The following ASXL2 variants were observed in gnomAD, a reference collection of about 807,000 sequenced individuals.
ASXL2 encodes the protein putative Polycomb group protein ASXL2.
A neutral mutation model predicts 122.0 loss-of-function variants in ASXL2; 23 were observed. The ratio of observed to expected loss-of-function variants is 0.19; its 90% CI spans 0.14 to 0.27. The LOEUF is 0.27. Among genes scored for constraint, ASXL2 ranks in the 10% least tolerant of loss-of-function variants. The probability of loss-of-function intolerance (pLI) is 1.00; values close to 1 mark genes in which losing one functional copy is unlikely to be tolerated. For missense variants in ASXL2, 1,518 were observed against 1,713.8 expected, an observed-to-expected ratio of 0.89 and a Z score of 2.02; for synonymous variants, 650 against 637.0, an observed-to-expected ratio of 1.02 and a Z score of -0.31.
chr2:25,815,120 C>A (rs2089217908), intron 3 of ASXL2, among the ~76,000 whole-genome samples: 1 of 152,174 alleles, frequency 6.6e-6, no homozygotes, highest in Non-Finnish European at 1.5e-5. Flanking sequence ...CCCTCACATA[C>A]AACTATTCTC....
At chr2:25,754,863 C>A (rs1175094900) in intron 10 of ASXL2, among the ~76,000 whole-genome samples, 2 of 151,234 alleles carry the variant, frequency 1.3e-5, no homozygotes, top group African/African-American at 4.8e-5. Context: ...CCAAAAATAT[C>A]TGTAGGAAAG....
intron 5 of ASXL2, among the ~76,000 whole-genome samples, chr2:25,797,244 A>G (rs1306822728): frequency 1.3e-5 from 2 of 152,126 alleles, no homozygotes; most frequent in African/African-American, 4.8e-5. Flanking sequence ...CAGGAGTTCA[A>G]GACCAGCCTG....
chr2:25,873,003 T>A (rs1486288875), intron 1 of ASXL2, among the ~76,000 whole-genome samples: 1 of 152,096 alleles, frequency 6.6e-6, no homozygotes, highest in African/African-American at 2.4e-5. Context: ...ATAAGTTCTT[T>A]AGTGGTGATT....
chr2:25,855,344 G>A (rs113084653), intron 1 of ASXL2, among the ~76,000 whole-genome samples: 4,318 of 152,134 alleles, frequency 0.028, 184 homozygotes, highest in African/African-American at 0.091. Context: ...CCAGGAGTTA[G>A]AGACCAGCCT....
intron 3 of ASXL2, among the ~76,000 whole-genome samples, chr2:25,816,407 T>C (rs897007028): frequency 3.3e-5 from 5 of 152,190 alleles, no homozygotes; most frequent in African/African-American, 1.2e-4. Flanking sequence ...AAGTGAAATA[T>C]ATTTCCCTGC....
intron 5 of ASXL2, among the ~76,000 whole-genome samples, chr2:25,781,583 G>T (rs1317292523): frequency 1.4e-5 from 2 of 144,486 alleles, no homozygotes; most frequent in Admixed American, 6.9e-5. Context: ...AAGACACAGG[G>T]TCTCACTCTG....
At chr2:25,747,661 C>T (rs1400269534) in intron 12 of ASXL2, among the ~76,000 whole-genome samples, 1 of 152,158 alleles carries the variant, frequency 6.6e-6, no homozygotes, top group African/African-American at 2.4e-5. Flanking sequence ...GTCTTAGCAA[C>T]ATTTATAGCA....
At chr2:25,796,933 A>G (rs2088919466) in intron 5 of ASXL2, among the ~76,000 whole-genome samples, 1 of 152,218 alleles carries the variant, frequency 6.6e-6, no homozygotes, top group Non-Finnish European at 1.5e-5. Context: ...CGCTTCACAA[A>G]AAATTAACTC....
At chr2:25,856,916 C>T (rs1004871802) in intron 1 of ASXL2, 3 of 653,500 alleles carry the variant, frequency 4.6e-6, no homozygotes, top group African/African-American at 1.8e-5. Context: ...TAGGTGGCAG[C>T]TGGGACAGTG....
At chr2:25,826,868 G>T (rs1339851798) in intron 3 of ASXL2, among the ~76,000 whole-genome samples, 1 of 151,510 alleles carries the variant, frequency 6.6e-6, no homozygotes, top group Non-Finnish European at 1.5e-5. Flanking sequence ...TAGAGACAGG[G>T]TCTTGCTCTG....
chr2:25,813,769 G>A (rs944390399), intron 3 of ASXL2, among the ~76,000 whole-genome samples: 7 of 152,188 alleles, frequency 4.6e-5, no homozygotes, highest in African/African-American at 1.7e-4. Context: ...ACAAACTGTC[G>A]GCCGGGCGCA....
chr2:25,773,242 T>G (rs2088486503), intron 5 of ASXL2, among the ~76,000 whole-genome samples: 2 of 151,774 alleles, frequency 1.3e-5, no homozygotes, highest in South Asian at 4.2e-4. Context: ...ATCGTCATAC[T>G]TAGTTTAGTT....
intron 8 of ASXL2, among the ~76,000 whole-genome samples, chr2:25,765,964 C>T (rs1308261291): frequency 6.6e-6 from 1 of 152,038 alleles, no homozygotes; most frequent in Non-Finnish European, 1.5e-5. Flanking sequence ...TGTACAATCC[C>T]CTCTAGAATC....
chr2:25,787,389 C>T (rs1428857506), intron 5 of ASXL2, among the ~76,000 whole-genome samples: 1 of 152,180 alleles, frequency 6.6e-6, no homozygotes, highest in Non-Finnish European at 1.5e-5. Flanking sequence ...ATCTCATCAC[C>T]TGTGAGTCTT....
In ASXL2 at chr2:25,740,777, A is replaced by G. The variant is rs2087814243; in HGVS notation, c.*1252T>C. 5.0e-6 allele frequency: 1 copy of G among 201,034 alleles called. No homozygotes were observed. The highest frequency in any genetic ancestry group is 2.3e-5 in the African/African-American group (1 of 43,594). The allele number at this position is 201,034 out of a possible 1,614,324, so 12.5% of individuals were successfully genotyped here. On this transcript the variant is annotated 3_prime_UTR_variant, in exon 13 of 13. Coordinates refer to ENST00000435504, the MANE Select transcript of ASXL2 (RefSeq NM_018263.6). ...TAGTGCTCAGACAGCAGTAATCCAA[A>G]CAAGGGCTATATTTTCTAAAACAGG...
At chr2:25,850,615 T>C (rs922291254) in intron 1 of ASXL2, among the ~76,000 whole-genome samples, 2 of 152,222 alleles carry the variant, frequency 1.3e-5, no homozygotes, top group African/African-American at 4.8e-5. Flanking sequence ...TTTGAGATGC[T>C]AAGATATATC....
chr2:25,853,531 T>C (rs1272361457), intron 1 of ASXL2, among the ~76,000 whole-genome samples: 1 of 152,184 alleles, frequency 6.6e-6, no homozygotes, highest in African/African-American at 2.4e-5. Context: ...TTCTCCTCAG[T>C]GTCTACTCTC....
intron 1 of ASXL2, among the ~76,000 whole-genome samples, chr2:25,852,144 A>C (rs1366850403): frequency 6.6e-6 from 1 of 152,232 alleles, no homozygotes; most frequent in Non-Finnish European, 1.5e-5. Context: ...CATTCCACTG[A>C]ACTGCTCATG....
intron 3 of ASXL2, among the ~76,000 whole-genome samples, chr2:25,829,940 T>A (rs2089431179): frequency 6.6e-6 from 1 of 152,208 alleles, no homozygotes. Context: ...GAAGCCTGTC[T>A]GTCCCCACAG....
Sources: gnomAD v4.1 joint callset for allele counts (sites outside exome capture counted in the v4.1 genomes callset) on GRCh38, gnomAD v4.1.1 for gene constraint, MANE v1.5 for transcripts, NCBI Gene and HGNC (gene_info 2026-07-23, HGNC 2026-07-21) for gene names.